GUCY1A2: variants seen among roughly 807,000 people sequenced by gnomAD.
GUCY1A2 encodes guanylate cyclase soluble subunit alpha-2.
A neutral mutation model predicts 63.5 loss-of-function variants in GUCY1A2; 27 were observed. That is an observed-to-expected ratio of 0.43 (90% CI 0.31 to 0.59). The LOEUF (loss-of-function observed/expected upper bound fraction) is 0.59. Among genes scored for constraint, GUCY1A2 ranks in the 20% least tolerant of loss-of-function variants. The pLI, the probability that GUCY1A2 is intolerant of heterozygous loss-of-function variation, is 0.11. For synonymous variants in GUCY1A2, 364 were observed against 343.5 expected (o/e 1.06, Z -0.66); for missense variants, 768 against 913.3 (o/e 0.84, Z 2.05).
chr11:106,912,805 T>C (rs1276169832), intron 4 of GUCY1A2, among the ~76,000 whole-genome samples: 1 of 152,154 alleles, frequency 6.6e-6, no homozygotes, highest in Non-Finnish European at 1.5e-5. Flanking sequence ...AATGAAACCT[T>C]CTGTTTCTCT....
rs1321381227 is a variant in GUCY1A2 at position 106,680,406 on chromosome 11, T to G, written c.*7143A>C. 4.8e-6 allele frequency: 1 copy of G among 207,854 alleles called. No homozygotes were observed. The highest frequency in any genetic ancestry group is 9.8e-6 in the Non-Finnish European group (1 of 102,002). 12.9% of individuals were successfully genotyped at this position (207,854 alleles called of 1,614,324 possible). On this transcript the variant is annotated 3_prime_UTR_variant, in exon 8 of 8. Coordinates refer to ENST00000526355, the MANE Select transcript of GUCY1A2 (RefSeq NM_000855.3). ...TGAATATAAAGTGATTTCTTCAGTT[T>G]AAAAATATGTATCAAAAGAATCAAA...
chr11:106,888,409 G>A (rs954138820), intron 4 of GUCY1A2, among the ~76,000 whole-genome samples: 2 of 151,982 alleles, frequency 1.3e-5, no homozygotes, highest in African/African-American at 2.4e-5. Flanking sequence ...AGCTTGCAGT[G>A]AGCCGAGATC....
intron 1 of GUCY1A2, among the ~76,000 whole-genome samples, chr11:107,001,341 G>T (rs1331947599): frequency 6.6e-6 from 1 of 152,086 alleles, no homozygotes; most frequent in Non-Finnish European, 1.5e-5. Context: ...AGATCATGTA[G>T]ACAGAACTTA....
intron 3 of GUCY1A2, among the ~76,000 whole-genome samples, chr11:106,958,812 T>C (rs984495896): frequency 2.0e-5 from 3 of 152,228 alleles, no homozygotes; most frequent in African/African-American, 7.2e-5. Flanking sequence ...GGAAAATAGA[T>C]GTTCAGGTTT....
chr11:106,711,791 A>C (rs1863124523), intron 6 of GUCY1A2, among the ~76,000 whole-genome samples: 1 of 152,106 alleles, frequency 6.6e-6, no homozygotes, highest in Non-Finnish European at 1.5e-5. Context: ...TCATATGTGA[A>C]AGATACTTTC....
rs1223438102 is a variant in GUCY1A2, at chr11:106,807,387, C to T, written c.1692+2606G>A. Among the ~76,000 whole-genome samples, 3 of 152,070 alleles carry T rather than the reference C, an allele frequency of 2.0e-5. No individual in the cohort carries two copies. In the East Asian group the frequency reaches 5.8e-4, roughly 29 times the overall value. ...AATAGAAGTTTTCTAATTTATATCC[C>T]TCCTAATGCATTTCTCCTAATGTAC... is the stretch of plus-strand genomic sequence containing the variant. On this transcript the variant is annotated intron_variant, in intron 5 of 7. Coordinates refer to ENST00000526355, the MANE Select transcript of GUCY1A2 (RefSeq NM_000855.3).
intron 6 of GUCY1A2, among the ~76,000 whole-genome samples, chr11:106,762,800 CA>C (rs1416602348): frequency 6.6e-6 from 1 of 151,940 alleles, no homozygotes; most frequent in Non-Finnish European, 1.5e-5. Context: ...TAATTTCTGC[CA>C]GTATAGTTTT....
chr11:106,750,717 T>A (rs1209152338), intron 6 of GUCY1A2, among the ~76,000 whole-genome samples: 1 of 150,474 alleles, frequency 6.6e-6, no homozygotes, highest in African/African-American at 2.5e-5. Context: ...TGTAGTTGTT[T>A]TAGCACCATA....
chr11:106,830,720 G>A (rs939515617), intron 4 of GUCY1A2, among the ~76,000 whole-genome samples: 8 of 152,062 alleles, frequency 5.3e-5, no homozygotes, highest in African/African-American at 1.4e-4. Context: ...CCTTATGATT[G>A]TGTGAGTTAA....
At position 106,763,428 on chromosome 11, in the gene GUCY1A2, G is replaced by C. The variant is rs181508146; in HGVS notation, c.1836+13011C>G. On this transcript the variant is annotated intron_variant, in intron 6 of 7. Coordinates refer to ENST00000526355, the MANE Select transcript of GUCY1A2 (RefSeq NM_000855.3). ...ACAACATTAAATCTGTTAAAAGCTT[G>C]ATGGAGGTGGGAGGAACAGAACCTG... 2.6e-5 allele frequency among the ~76,000 whole-genome samples: 4 copies of C among 152,156 alleles called. No individual in the cohort carries two copies. In the East Asian group the frequency reaches 7.7e-4, roughly 29 times the overall value.
At chr11:106,770,132 T>G (rs1007320070) in intron 6 of GUCY1A2, among the ~76,000 whole-genome samples, 1 of 152,176 alleles carries the variant, frequency 6.6e-6, no homozygotes, top group Non-Finnish European at 1.5e-5. Context: ...ATTTACTTTT[T>G]GTTAGGTATT....
rs563010254 is a variant in GUCY1A2, at chr11:106,946,658, A to G, written c.488-6480T>C. ...AAGTAAAACAAAATCACAATTTACA[A>G]AGAAGACCTAAGAGACATAAACCAA... On this transcript the variant is annotated intron_variant, in intron 3 of 7. Coordinates refer to ENST00000526355, the MANE Select transcript of GUCY1A2 (RefSeq NM_000855.3). Among the ~76,000 whole-genome samples, 4 of 152,314 alleles carry G rather than the reference A, an allele frequency of 2.6e-5. No individual in the cohort carries two copies. In the South Asian group the frequency reaches 8.3e-4, roughly 32 times the overall value.
chr11:106,878,782 TA>T (rs372754272), intron 4 of GUCY1A2, among the ~76,000 whole-genome samples: 3,024 of 137,920 alleles, frequency 0.022, 86 homozygotes, highest in African/African-American at 0.072. Context: ...ACTTAAAAGT[TA>T]AAAAAAAAAA....
chr11:106,853,876 G>C (rs1158835759), intron 4 of GUCY1A2, among the ~76,000 whole-genome samples: 1 of 152,178 alleles, frequency 6.6e-6, no homozygotes, highest in Non-Finnish European at 1.5e-5. Context: ...GGAAAGTGCA[G>C]TAGTGTAGTC....
intron 3 of GUCY1A2, among the ~76,000 whole-genome samples, chr11:106,965,462 T>C (rs925652045): frequency 2.6e-5 from 4 of 152,226 alleles, no homozygotes; most frequent in Admixed American, 2.6e-4. Flanking sequence ...TATGTGTATG[T>C]GTGTGTATAT....
intron 3 of GUCY1A2, among the ~76,000 whole-genome samples, chr11:106,944,519 A>T (rs1011990801): frequency 2.6e-5 from 4 of 152,134 alleles, no homozygotes; most frequent in Non-Finnish European, 5.9e-5. Flanking sequence ...GAGAAAGAAG[A>T]TCACAAAAAA....
chr11:106,997,531 T>C (rs1861554974), intron 1 of GUCY1A2, among the ~76,000 whole-genome samples: 1 of 151,676 alleles, frequency 6.6e-6, no homozygotes, highest in South Asian at 2.1e-4. Flanking sequence ...AAACAACTGG[T>C]AAGAGGTACA....
At chr11:106,883,955 C>T (rs1171428405) in intron 4 of GUCY1A2, among the ~76,000 whole-genome samples, 2 of 152,080 alleles carry the variant, frequency 1.3e-5, no homozygotes, top group Non-Finnish European at 2.9e-5. Context: ...AAACGAAACA[C>T]CACATGTTCT....
intron 4 of GUCY1A2, among the ~76,000 whole-genome samples, chr11:106,878,257 G>A (rs968259406): frequency 1.4e-4 from 21 of 152,032 alleles, no homozygotes; most frequent in Admixed American, 1.1e-3. Flanking sequence ...ATAACCATTC[G>A]ACCTAGCCAT....
Sources: gnomAD v4.1 joint callset for allele counts (sites outside exome capture counted in the v4.1 genomes callset) on GRCh38, gnomAD v4.1.1 for gene constraint, MANE v1.5 for transcripts, NCBI Gene and HGNC (gene_info 2026-07-23, HGNC 2026-07-21) for gene names.